The following RRAS2 variants were observed in gnomAD, a reference collection of about 807,000 sequenced individuals.
RRAS2 encodes the protein RAS related 2, also known as ras-related protein R-Ras2.
Under a neutral mutation model 27.6 loss-of-function variants are expected in RRAS2, and 7 were observed. The observed-to-expected ratio is 0.25, with a 90% CI of 0.14 to 0.48. The LOEUF (loss-of-function observed/expected upper bound fraction) is 0.48. Among genes scored for constraint, RRAS2 ranks in the 20% least tolerant of loss-of-function variants. The probability of loss-of-function intolerance (pLI) is 0.99; values close to 1 mark genes in which losing one functional copy is unlikely to be tolerated. For synonymous variants in RRAS2, 86 were observed against 90.9 expected (o/e 0.95, Z 0.31); for missense variants, 178 against 256.2 (o/e 0.69, Z 2.08).
intron 1 of RRAS2, among the ~76,000 whole-genome samples, chr11:14,312,175 T>C (rs1450276761): frequency 2.0e-5 from 3 of 152,102 alleles, no homozygotes; most frequent in African/African-American, 7.2e-5. Flanking sequence ...TGAAAAACTC[T>C]TAATAGCCTA....
Position 14,294,704 on chromosome 11 carries a change from TAA to T in RRAS2, c.299+54_299+55del, listed in dbSNP as rs1204179400. 1.9e-6 allele frequency: 3 copies of T among 1,559,066 alleles called. No individual in the cohort carries two copies. In the African/African-American group the frequency reaches 4.1e-5, roughly 21 times the overall value. ...ATAAAAACAAAAAGTCCAAACTCAATAAAGTCTAGTGATCTTGACAAGAACAG... is the reference window on the plus strand; with the variant it reads ...ATAAAAACAAAAAGTCCAAACTCAATAGTCTAGTGATCTTGACAAGAACAG... On this transcript the variant is annotated intron_variant, in intron 3 of 5. Transcript: ENST00000256196.
At chr11:14,280,726 CAAAAAAAAAAAAAAAAA>C (rs58781581) in intron 5 of RRAS2, among the ~76,000 whole-genome samples, 15 of 48,330 alleles carry the variant, frequency 3.1e-4, no homozygotes, top group African/African-American at 1.2e-3. Context: ...ACTCTGTTTC[CAAAAAAAAAAAAAAAAA>C]AAAAAAAAAA....
upstream of RRAS2, chr11:14,359,191 G>GGGCTGCCA (rs2079289903): frequency 7.0e-6 from 7 of 1,000,300 alleles, no homozygotes; most frequent in South Asian, 2.8e-4. Flanking sequence ...TCTGGGGGCC[G>GGGCTGCCA]GGCTGCCAGG....
chr11:14,342,108 C>T (rs1028436505), intron 1 of RRAS2: 9 of 281,106 alleles, frequency 3.2e-5, no homozygotes, highest in African/African-American at 1.1e-4. Flanking sequence ...TGAAACCTCA[C>T]CCTTCCCTCT....
intron 1 of RRAS2, among the ~76,000 whole-genome samples, chr11:14,320,880 T>TA (rs1262344771): frequency 1.3e-5 from 2 of 151,986 alleles, no homozygotes; most frequent in Admixed American, 6.6e-5. Flanking sequence ...CACAACAATT[T>TA]AAAAAAATGG....
At chr11:14,345,881 A>G (rs1474730589) in intron 1 of RRAS2, among the ~76,000 whole-genome samples, 1 of 152,240 alleles carries the variant, frequency 6.6e-6, no homozygotes, top group Non-Finnish European at 1.5e-5. Flanking sequence ...GGCAATTCTG[A>G]GAGATGACCA....
Position 14,358,831 on chromosome 11 carries a change from TCTC to T in RRAS2, c.37_39del (p.Glu13del), listed in dbSNP as rs1554955857. On this transcript the variant is annotated inframe_deletion, in exon 1 of 6. Transcript: ENST00000256196. This position sits in a 1 kb window ranked among gnomAD's most constrained non-coding sequence, Gnocchi z 5.1. ...CCGCCGACCACCACGAGCCGGTACT[TCTC>T]CTGGCCGGAGCCGTCCCGCCAGCCG... 1.3e-6 allele frequency: 2 copies of T among 1,491,068 alleles called. No individual in the cohort carries two copies. The highest frequency in any genetic ancestry group is 2.9e-5 in the East Asian group (1 of 34,592). The allele number at this position is 1,491,068 out of a possible 1,614,324, so 92.4% of individuals were successfully genotyped here.
chr11:14,281,638 A>G lies in RRAS2; in HGVS notation c.491T>C (p.Val164Ala), dbSNP rs1849538741. Residue 164 changes from valine (V) to alanine (A), a missense_variant, in exon 5 of 6, where the codon GTA becomes GCA. Coordinates refer to ENST00000256196, the MANE Select transcript of RRAS2 (RefSeq NM_012250.6). The stretch of plus-strand genomic sequence containing the variant: ...GACAAGTTCATGGAAAGCTTGATCT[A>G]CATTCATCCTAATCTTTGCTGATGC... ...MEASAKIRMN[V>A]DQAFHELVRV... is the part of the protein sequence containing the mutation. 1 of 1,603,518 alleles carries G rather than the reference A, an allele frequency of 6.2e-7. No homozygotes were observed. The highest frequency in any genetic ancestry group is 1.1e-5 in the South Asian group (1 of 88,222).
At chr11:14,326,093 T>C (rs1369307319) in intron 1 of RRAS2, among the ~76,000 whole-genome samples, 2 of 152,168 alleles carry the variant, frequency 1.3e-5, no homozygotes, top group Admixed American at 6.5e-5. Context: ...GAGAACTTGG[T>C]TTTTTATTCT....
At chr11:14,296,211 AAAAAT>A (rs1309619285) in intron 1 of RRAS2, among the ~76,000 whole-genome samples, 1 of 151,812 alleles carries the variant, frequency 6.6e-6, no homozygotes, top group Non-Finnish European at 1.5e-5. Context: ...AAATAGAATA[AAAAAT>A]AAAATAAAAT....
At chr11:14,315,185 T>A (rs1212892542) in intron 1 of RRAS2, among the ~76,000 whole-genome samples, 2 of 152,064 alleles carry the variant, frequency 1.3e-5, no homozygotes, top group Non-Finnish European at 2.9e-5. Context: ...TGGAAAAGGG[T>A]TGGGGCAGGG....
At chr11:14,283,852 G>T (rs1564952916) in intron 4 of RRAS2, among the ~76,000 whole-genome samples, 6 of 151,926 alleles carry the variant, frequency 3.9e-5, no homozygotes, top group Non-Finnish European at 4.4e-5. Flanking sequence ...CCAGTTTAGG[G>T]TTTTTATTTT....
rs1003808955 is a variant in RRAS2 at position 14,341,322 on chromosome 11, A to G, written c.108+17441T>C. ...TGGGCATTTGTTTTGTATACCTACA[A>G]ATAGTGTTATGAATTCGGTGCTGAG... On this transcript the variant is annotated intron_variant, in intron 1 of 5. Coordinates refer to ENST00000256196, the MANE Select transcript of RRAS2 (RefSeq NM_012250.6). Among the ~76,000 whole-genome samples the G allele has an allele frequency of 3.2e-4, 49 of 152,212 alleles. 2 individuals are homozygous for G. The highest frequency in any genetic ancestry group is 3.2e-3 in the Admixed American group (49 of 15,278).
At chr11:14,349,242 C>T (rs1848900897) in intron 1 of RRAS2, among the ~76,000 whole-genome samples, 1 of 152,100 alleles carries the variant, frequency 6.6e-6, no homozygotes, top group African/African-American at 2.4e-5. Flanking sequence ...ACCTCCACCT[C>T]CCAGGTTCAC....
intron 1 of RRAS2, among the ~76,000 whole-genome samples, chr11:14,331,838 T>G (rs540091818): frequency 6.6e-6 from 1 of 152,138 alleles, no homozygotes; most frequent in East Asian, 1.9e-4. Context: ...TTAAGAAACT[T>G]TACAACTCAG....
At chr11:14,321,787 GACA>G (rs1424716922) in intron 1 of RRAS2, among the ~76,000 whole-genome samples, 4 of 152,098 alleles carry the variant, frequency 2.6e-5, no homozygotes, top group Non-Finnish European at 5.9e-5. Flanking sequence ...GTGAGGTGAA[GACA>G]ACATTTGAAA....
chr11:14,363,654 C>T (rs1324956422), upstream of RRAS2, among the ~76,000 whole-genome samples: 2 of 152,032 alleles, frequency 1.3e-5, no homozygotes, highest in African/African-American at 4.8e-5. Context: ...GCCTGTAATC[C>T]TAGCTACCTG....
chr11:14,283,378 T>C (rs1233878074), intron 4 of RRAS2, among the ~76,000 whole-genome samples: 1 of 152,216 alleles, frequency 6.6e-6, no homozygotes, highest in Non-Finnish European at 1.5e-5. Context: ...GGATTTCTTA[T>C]GCTTTCCTCT....
At chr11:14,359,269 G>A (rs923068693), upstream of RRAS2, 22 of 719,418 alleles carry the variant, frequency 3.1e-5, no homozygotes, top group Middle Eastern at 1.4e-3. Context: ...CTGAGGTTCG[G>A]GAGGTAACCC....
Sources: allele counts gnomAD v4.1 joint callset (sites outside exome capture counted in the v4.1 genomes callset), GRCh38; gene constraint gnomAD v4.1.1; non-coding constraint Gnocchi (gnomAD v3.1); transcripts MANE v1.5; gene names NCBI Gene and HGNC (gene_info 2026-07-23, HGNC 2026-07-21).